NXPE4: variants seen among roughly 807,000 people sequenced by gnomAD.
The protein encoded by NXPE4 is NXPE family member 4.
Under a neutral mutation model 33.3 loss-of-function variants are expected in NXPE4, and 42 were observed. The ratio of observed to expected loss-of-function variants is 1.26; its 90% CI spans 0.98 to 1.63. NXPE4 has a LOEUF of 1.63. NXPE4 is among the 40% of genes most tolerant of loss of function. The pLI is 0.00. For synonymous variants in NXPE4, 253 were observed against 234.9 expected, an observed-to-expected ratio of 1.08 and a Z score of -0.71; for missense variants, 709 against 647.6, an observed-to-expected ratio of 1.09 and a Z score of -1.03.
chr11:114,675,571 C>G, the NXPE4 span, among the ~76,000 whole-genome samples: 2 of 151,254 alleles, frequency 1.3e-5, no homozygotes, highest in Non-Finnish European at 3.0e-5. Flanking sequence ...TAAAAAAAAC[C>G]CTTAGGAATT....
the NXPE4 span, among the ~76,000 whole-genome samples, chr11:114,639,040 T>C: frequency 6.6e-6 from 1 of 152,090 alleles, no homozygotes; most frequent in African/African-American, 2.4e-5. Context: ...TACTGCTGTC[T>C]TTTTGTTTGT....
At chr11:114,678,229 C>T in the NXPE4 span, among the ~76,000 whole-genome samples, 2 of 152,028 alleles carry the variant, frequency 1.3e-5, no homozygotes, top group African/African-American at 2.4e-5. Flanking sequence ...ACTAATCCTA[C>T]GTGAAAACCA....
chr11:114,630,831 A>T, the NXPE4 span, among the ~76,000 whole-genome samples: 1 of 151,922 alleles, frequency 6.6e-6, no homozygotes, highest in Non-Finnish European at 1.5e-5. Flanking sequence ...TTACAAGAAA[A>T]AAACAAACAA....
At chr11:114,647,907 G>A in the NXPE4 span, among the ~76,000 whole-genome samples, 1 of 152,168 alleles carries the variant, frequency 6.6e-6, no homozygotes, top group African/African-American at 2.4e-5. Flanking sequence ...TCACCATCTT[G>A]CCCAGTCTCG....
the NXPE4 span, among the ~76,000 whole-genome samples, chr11:114,647,301 G>A: frequency 3.9e-5 from 6 of 152,076 alleles, no homozygotes; most frequent in Non-Finnish European, 5.9e-5. Flanking sequence ...ATTGTACTGT[G>A]CTTATGAGCT....
chr11:114,605,774 A>T, the NXPE4 span, among the ~76,000 whole-genome samples: 3 of 151,406 alleles, frequency 2.0e-5, no homozygotes, highest in African/African-American at 7.3e-5. Flanking sequence ...ATCACTGTTA[A>T]CCAGTGGATA....
At chr11:114,674,435 A>G in the NXPE4 span, among the ~76,000 whole-genome samples, 1 of 151,832 alleles carries the variant, frequency 6.6e-6, no homozygotes, top group Non-Finnish European at 1.5e-5. Context: ...AGAGAATCCT[A>G]TTGTATGTGG....
chr11:114,572,410 T>A (rs1948911656), intron 5 of NXPE4, among the ~76,000 whole-genome samples: 1 of 152,156 alleles, frequency 6.6e-6, no homozygotes, highest in African/African-American at 2.4e-5. Context: ...AGGTTGATTA[T>A]TAAGCTAATC....
chr11:114,596,967 C>T (rs1949579943), upstream of NXPE4, among the ~76,000 whole-genome samples: 1 of 152,098 alleles, frequency 6.6e-6, no homozygotes, highest in African/African-American at 2.4e-5. Flanking sequence ...GGGCTGAATC[C>T]AAGATTCCTT....
At chr11:114,650,486 G>A in the NXPE4 span, among the ~76,000 whole-genome samples, 10 of 152,192 alleles carry the variant, frequency 6.6e-5, no homozygotes, top group African/African-American at 2.4e-4. Context: ...GCAGCAGCTA[G>A]GGGATGGGCA....
upstream of NXPE4, among the ~76,000 whole-genome samples, chr11:114,597,337 C>G (rs1222921461): frequency 1.3e-5 from 2 of 152,102 alleles, no homozygotes; most frequent in Non-Finnish European, 2.9e-5. Flanking sequence ...GATCTGAAAT[C>G]TGAATGATAT....
chr11:114,614,605 G>A, the NXPE4 span, among the ~76,000 whole-genome samples: 7 of 151,796 alleles, frequency 4.6e-5, no homozygotes, highest in South Asian at 2.1e-4. Context: ...GCGTTGCCTC[G>A]TGGGTAACCA....
At chr11:114,577,323 C>T (rs1949033296) in intron 5 of NXPE4, among the ~76,000 whole-genome samples, 1 of 151,658 alleles carries the variant, frequency 6.6e-6, no homozygotes, top group Admixed American at 6.6e-5. Context: ...ATCGTATGTT[C>T]TCACTCATAT....
At chr11:114,628,511 A>G in the NXPE4 span, among the ~76,000 whole-genome samples, 4 of 152,112 alleles carry the variant, frequency 2.6e-5, no homozygotes, top group African/African-American at 9.6e-5. Flanking sequence ...TCTGGGACAC[A>G]TTCAAAGCAG....
chr11:114,647,224 TA>T, the NXPE4 span, among the ~76,000 whole-genome samples: 1 of 152,228 alleles, frequency 6.6e-6, no homozygotes, highest in Non-Finnish European at 1.5e-5. Flanking sequence ...TAGATTTGGG[TA>T]AGTAATGTCT....
the NXPE4 span, among the ~76,000 whole-genome samples, chr11:114,617,534 C>A: frequency 0.67 from 101,873 of 151,176 alleles, 34,427 homozygotes; most frequent in African/African-American, 0.76. Context: ...TGCCTCGTGG[C>A]TAACCACTGT....
the NXPE4 span, among the ~76,000 whole-genome samples, chr11:114,614,154 G>A: frequency 6.6e-6 from 1 of 150,758 alleles, no homozygotes; most frequent in Non-Finnish European, 1.5e-5. Flanking sequence ...GCTGCCTCAT[G>A]GGTACCAACT....
the NXPE4 span, among the ~76,000 whole-genome samples, chr11:114,627,589 G>A: frequency 6.6e-6 from 1 of 150,898 alleles, no homozygotes; most frequent in African/African-American, 2.4e-5. Flanking sequence ...AGACCATTGA[G>A]ACTAGGAAGA....
the NXPE4 span, among the ~76,000 whole-genome samples, chr11:114,604,726 T>G: frequency 2.0e-5 from 3 of 151,968 alleles, no homozygotes; most frequent in Non-Finnish European, 4.4e-5. Context: ...GGGTAACCAC[T>G]GTTACTCGGT....
Sources: allele counts gnomAD v4.1 joint callset (sites outside exome capture counted in the v4.1 genomes callset), GRCh38; gene constraint gnomAD v4.1.1; transcripts MANE v1.5; gene names NCBI Gene and HGNC (gene_info 2026-07-23, HGNC 2026-07-21).